ANO3: variants seen among roughly 807,000 people sequenced by gnomAD.
ANO3 encodes anoctamin 3.
ANO3 carries 99 observed loss-of-function variants against 144.8 expected under a neutral mutation model. The ratio of observed to expected loss-of-function variants is 0.68; its 90% CI spans 0.58 to 0.81. ANO3 has a LOEUF of 0.81. ANO3 is among the 30% of genes least tolerant of loss of function. The probability of loss-of-function intolerance (pLI) is 0.00; values close to 1 mark genes in which losing one functional copy is unlikely to be tolerated. For synonymous variants in ANO3, 414 were observed against 392.6 expected (o/e 1.05, Z -0.64); for missense variants, 905 against 1,202.2 (o/e 0.75, Z 3.66).
chr11:26,462,634 A>G (rs940783710), intron 3 of ANO3, among the ~76,000 whole-genome samples: 1 of 151,870 alleles, frequency 6.6e-6, no homozygotes, highest in African/African-American at 2.4e-5. Flanking sequence ...CAGACTCTCA[A>G]GATCAATGCA....
At chr11:26,515,111 A>G (rs982240593) in intron 5 of ANO3, among the ~76,000 whole-genome samples, 1 of 152,032 alleles carries the variant, frequency 6.6e-6, no homozygotes, top group African/African-American at 2.4e-5. Context: ...GAGATATATT[A>G]TGTTTACTTC....
intron 1 of ANO3, among the ~76,000 whole-genome samples, chr11:26,230,904 T>TAG (rs1852383145): frequency 1.3e-5 from 2 of 149,526 alleles, no homozygotes; most frequent in Non-Finnish European, 3.0e-5. Flanking sequence ...TTTTTTTTTC[T>TAG]TTTTTTTAGA....
chr11:26,619,175 A>AT (rs1295723439), intron 17 of ANO3, among the ~76,000 whole-genome samples: 2 of 152,140 alleles, frequency 1.3e-5, no homozygotes, highest in Admixed American at 6.5e-5. Context: ...GCTCAAAATT[A>AT]TTTTTTGTTA....
intron 17 of ANO3, among the ~76,000 whole-genome samples, chr11:26,603,551 A>G (rs1851855678): frequency 6.6e-6 from 1 of 152,086 alleles, no homozygotes; most frequent in Non-Finnish European, 1.5e-5. Context: ...TTCAAATTCT[A>G]TGTAAGGTAG....
chr11:26,643,554 G>A (rs193117597), intron 23 of ANO3, among the ~76,000 whole-genome samples: 3 of 152,168 alleles, frequency 2.0e-5, no homozygotes, highest in East Asian at 3.9e-4. Flanking sequence ...TCAGGAATTC[G>A]AGACCAGCCT....
intron 1 of ANO3, among the ~76,000 whole-genome samples, chr11:26,353,159 A>C (rs1855691414): frequency 6.6e-6 from 1 of 152,134 alleles, no homozygotes; most frequent in African/African-American, 2.4e-5. Flanking sequence ...CTGGGAAAAG[A>C]TGATTTCTTA....
chr11:26,379,474 T>C (rs1856522248), intron 1 of ANO3, among the ~76,000 whole-genome samples: 1 of 152,048 alleles, frequency 6.6e-6, no homozygotes, highest in South Asian at 2.1e-4. Flanking sequence ...TGGCTTGGTG[T>C]AACATTGGAA....
chr11:26,464,322 G>T (rs1859522017), intron 4 of ANO3, among the ~76,000 whole-genome samples: 1 of 151,752 alleles, frequency 6.6e-6, no homozygotes, highest in African/African-American at 2.4e-5. Flanking sequence ...CCCTGTGTCT[G>T]TCTGATAAAT....
intron 1 of ANO3, among the ~76,000 whole-genome samples, chr11:26,207,545 G>C (rs896745811): frequency 2.6e-5 from 4 of 151,890 alleles, no homozygotes; most frequent in Non-Finnish European, 5.9e-5. Context: ...TATTCAGTAC[G>C]AGGTACTATT....
intron 1 of ANO3, among the ~76,000 whole-genome samples, chr11:26,232,076 AC>A (rs1590206731): frequency 6.6e-6 from 1 of 152,146 alleles, no homozygotes; most frequent in Admixed American, 6.5e-5. Flanking sequence ...TCAGGAATCA[AC>A]CCTTCTAATA....
chr11:26,554,864 T>C (rs1850040133), intron 13 of ANO3, among the ~76,000 whole-genome samples: 1 of 152,166 alleles, frequency 6.6e-6, no homozygotes. Flanking sequence ...CATTGCCCTT[T>C]TTTGCCTGAT....
chr11:26,482,193 C>G (rs1035407898), intron 4 of ANO3, among the ~76,000 whole-genome samples: 1 of 151,964 alleles, frequency 6.6e-6, no homozygotes, highest in Non-Finnish European at 1.5e-5. Flanking sequence ...CCACTCCTCC[C>G]AGCTTTTAGT....
intron 1 of ANO3, among the ~76,000 whole-genome samples, chr11:26,339,895 G>A (rs986794418): frequency 6.6e-6 from 1 of 152,110 alleles, no homozygotes; most frequent in Non-Finnish European, 1.5e-5. Flanking sequence ...TTTAAATTCC[G>A]ACTGGTTTCA....
intron 12 of ANO3, 102 bp downstream of exon 12, chr11:26,547,652 C>A: frequency 1.8e-6 from 2 of 1,102,742 alleles, no homozygotes; most frequent in Non-Finnish European, 2.6e-6. Context: ...GTTGATGATA[C>A]TACAATTTAA....
At chr11:26,634,545 C>A (rs1852889297) in intron 19 of ANO3, among the ~76,000 whole-genome samples, 1 of 152,224 alleles carries the variant, frequency 6.6e-6, no homozygotes, top group Non-Finnish European at 1.5e-5. Context: ...GGTTATAATT[C>A]CTTAATGTGG....
chr11:26,281,822 G>A (rs1159456199), intron 1 of ANO3, among the ~76,000 whole-genome samples: 1 of 152,154 alleles, frequency 6.6e-6, no homozygotes, highest in African/African-American at 2.4e-5. Context: ...ACTATGGCAA[G>A]TTAAGTTTGA....
chr11:26,232,784 G>A (rs1329733723), intron 1 of ANO3, among the ~76,000 whole-genome samples: 2 of 152,136 alleles, frequency 1.3e-5, no homozygotes, highest in African/African-American at 2.4e-5. Context: ...TGACAAATGG[G>A]ATCTAATCAA....
intron 4 of ANO3, among the ~76,000 whole-genome samples, chr11:26,486,077 A>G (rs1205235792): frequency 6.6e-6 from 1 of 152,084 alleles, no homozygotes; most frequent in Non-Finnish European, 1.5e-5. Flanking sequence ...TTAAAAAAAA[A>G]TCACAGCCAG....
At chr11:26,519,880 A>T (rs1862001089) in intron 6 of ANO3, among the ~76,000 whole-genome samples, 1 of 146,936 alleles carries the variant, frequency 6.8e-6, no homozygotes, top group Non-Finnish European at 1.5e-5. Flanking sequence ...GCAGTACTCT[A>T]TCCAGGAAAA....
Sources: allele counts gnomAD v4.1 joint callset (sites outside exome capture counted in the v4.1 genomes callset), GRCh38; gene constraint gnomAD v4.1.1; transcripts MANE v1.5; gene names NCBI Gene and HGNC (gene_info 2026-07-23, HGNC 2026-07-21).